GRIA4: variants seen among roughly 807,000 people sequenced by gnomAD.
GRIA4 encodes the protein glutamate ionotropic receptor AMPA type subunit 4, also known as glutamate receptor 4.
In GRIA4, 34 loss-of-function variants were observed where a neutral mutation model predicts 104.0. The ratio of observed to expected loss-of-function variants is 0.33; its 90% CI spans 0.25 to 0.44. The LOEUF (loss-of-function observed/expected upper bound fraction) is 0.44. Ranked by LOEUF, GRIA4 falls within the 20% of genes least tolerant of loss-of-function variation. GRIA4 has a pLI of 1.00. For missense variants in GRIA4, 750 were observed against 1,096.5 expected (o/e 0.68, Z 4.46); for synonymous variants, 386 against 381.9 (o/e 1.01, Z -0.13).
chr11:105,637,903 C>T (rs1205354909), intron 3 of GRIA4, among the ~76,000 whole-genome samples: 3 of 152,098 alleles, frequency 2.0e-5, no homozygotes, highest in Non-Finnish European at 4.4e-5. Context: ...AAACTGGTTG[C>T]AAGTTAACAT....
intron 14 of GRIA4, among the ~76,000 whole-genome samples, chr11:105,943,332 G>T (rs759085301): frequency 6.6e-6 from 1 of 151,882 alleles, no homozygotes; most frequent in Middle Eastern, 3.2e-3. Context: ...TGTTTGGCAC[G>T]GTACAAATCT....
At chr11:105,888,246 T>C (rs1209193216) in intron 6 of GRIA4, among the ~76,000 whole-genome samples, 1 of 148,192 alleles carries the variant, frequency 6.7e-6, no homozygotes, top group Non-Finnish European at 1.5e-5. Context: ...GTGATTTATA[T>C]TGGAGAAGTT....
intron 9 of GRIA4, among the ~76,000 whole-genome samples, chr11:105,908,316 C>T (rs1050466143): frequency 5.9e-5 from 9 of 152,172 alleles, no homozygotes; most frequent in African/African-American, 2.2e-4. Flanking sequence ...CCACTTTTCA[C>T]TCACTTTTTG....
chr11:105,799,360 T>C (rs184367984), intron 4 of GRIA4, among the ~76,000 whole-genome samples: 7 of 152,124 alleles, frequency 4.6e-5, no homozygotes, highest in Admixed American at 2.0e-4. Flanking sequence ...ATGGCAGGAA[T>C]AGAGGACTCT....
intron 3 of GRIA4, among the ~76,000 whole-genome samples, chr11:105,697,734 G>C (rs930559208): frequency 1.3e-5 from 2 of 152,108 alleles, no homozygotes; most frequent in Non-Finnish European, 2.9e-5. Flanking sequence ...GAGGGGTGGT[G>C]CAATTGTGAA....
At chr11:105,826,336 C>T (rs1009811770) in intron 4 of GRIA4, among the ~76,000 whole-genome samples, 2 of 152,024 alleles carry the variant, frequency 1.3e-5, no homozygotes, top group African/African-American at 4.8e-5. Context: ...CCATGGGACA[C>T]CTGCATCTGA....
chr11:105,806,439 G>T (rs181800739), intron 4 of GRIA4, among the ~76,000 whole-genome samples: 1 of 151,944 alleles, frequency 6.6e-6, no homozygotes, highest in East Asian at 1.9e-4. Context: ...GACCTCTGGG[G>T]CTGGAAACAG....
chr11:105,962,664 T>C (rs946115838), intron 14 of GRIA4, among the ~76,000 whole-genome samples: 7 of 152,140 alleles, frequency 4.6e-5, no homozygotes, highest in Non-Finnish European at 1.0e-4. Context: ...ACCTAGATTT[T>C]CGCTAAGGCA....
At chr11:105,812,007 T>C (rs540068179) in intron 4 of GRIA4, among the ~76,000 whole-genome samples, 122 of 152,172 alleles carry the variant, frequency 8.0e-4, no homozygotes, top group Non-Finnish European at 5.0e-4. Flanking sequence ...GATTTTAGAG[T>C]AAGATGCTCC....
chr11:105,775,566 G>A (rs61900352), intron 4 of GRIA4, among the ~76,000 whole-genome samples: 18,587 of 151,762 alleles, frequency 0.12, 1,250 homozygotes, highest in Admixed American at 0.22. Flanking sequence ...TGACAGCTAG[G>A]AAAAACCATT....
intron 3 of GRIA4, among the ~76,000 whole-genome samples, chr11:105,673,334 G>C (rs1171177639): frequency 6.6e-6 from 1 of 152,006 alleles, no homozygotes; most frequent in African/African-American, 2.4e-5. Context: ...TGCCTGACTT[G>C]GCTAGCTCAC....
intron 3 of GRIA4, among the ~76,000 whole-genome samples, chr11:105,658,381 G>A (rs932226835): frequency 5.9e-5 from 9 of 151,504 alleles, no homozygotes; most frequent in Non-Finnish European, 7.4e-5. Context: ...CAGAATAACA[G>A]GAACTGATCT....
At chr11:105,649,492 T>A (rs898669378) in intron 3 of GRIA4, among the ~76,000 whole-genome samples, 3 of 152,192 alleles carry the variant, frequency 2.0e-5, no homozygotes, top group Non-Finnish European at 4.4e-5. Flanking sequence ...TAGACAAGGT[T>A]TAAGATAGAG....
At chr11:105,891,557 A>G (rs990404765) in intron 6 of GRIA4, among the ~76,000 whole-genome samples, 1 of 152,074 alleles carries the variant, frequency 6.6e-6, no homozygotes, top group Non-Finnish European at 1.5e-5. Flanking sequence ...CCAGACACCT[A>G]ATGCTGCTTT....
intron 4 of GRIA4, among the ~76,000 whole-genome samples, chr11:105,826,198 A>C (rs1220674331): frequency 6.6e-6 from 1 of 151,978 alleles, no homozygotes; most frequent in Non-Finnish European, 1.5e-5. Context: ...GGGGATATGG[A>C]GTGGGGAGAG....
chr11:105,839,075 GC>G (rs1378101710), intron 4 of GRIA4, among the ~76,000 whole-genome samples: 2 of 151,786 alleles, frequency 1.3e-5, no homozygotes, highest in African/African-American at 2.4e-5. Flanking sequence ...GCATGCACCG[GC>G]CCCCTCTAGC....
intron 3 of GRIA4, among the ~76,000 whole-genome samples, chr11:105,627,294 G>T (rs1161671942): frequency 6.6e-6 from 1 of 152,084 alleles, no homozygotes; most frequent in Non-Finnish European, 1.5e-5. Context: ...GGGGTAGGGG[G>T]GATGGCAGGT....
intron 3 of GRIA4, chr11:105,706,939 G>C (rs1489905418): frequency 6.6e-6 from 1 of 152,170 alleles, no homozygotes; most frequent in African/African-American, 2.4e-5. Flanking sequence ...ACGTCAAAAG[G>C]TCAGAGATGT....
At chr11:105,741,053 A>G (rs1285738329) in intron 3 of GRIA4, among the ~76,000 whole-genome samples, 7 of 152,194 alleles carry the variant, frequency 4.6e-5, no homozygotes, top group Non-Finnish European at 1.5e-5. Context: ...CTTGAAGCTG[A>G]CTGGGCAAAA....
Sources: gnomAD v4.1 joint callset for allele counts (sites outside exome capture counted in the v4.1 genomes callset) on GRCh38, gnomAD v4.1.1 for gene constraint, MANE v1.5 for transcripts, NCBI Gene and HGNC (gene_info 2026-07-23, HGNC 2026-07-21) for gene names.